ABCC5: variants seen among roughly 807,000 people sequenced by gnomAD.
ABCC5 encodes the protein ATP binding cassette subfamily C member 5.
Under a neutral mutation model 160.9 loss-of-function variants are expected in ABCC5, and 61 were observed. The observed-to-expected ratio is 0.38, with a 90% confidence interval of 0.31 to 0.47. The LOEUF is 0.47. Among genes scored for constraint, ABCC5 ranks in the 20% least tolerant of loss-of-function variants. ABCC5 has a pLI of 0.99. For synonymous variants in ABCC5, 666 were observed against 700.6 expected, an observed-to-expected ratio of 0.95 and a Z score of 0.78; for missense variants, 1,308 against 1,813.3, an observed-to-expected ratio of 0.72 and a Z score of 5.06.
intron 20 of ABCC5, among the ~76,000 whole-genome samples, chr3:183,950,342 C>T (rs1290749148): frequency 6.6e-6 from 1 of 151,970 alleles, no homozygotes; most frequent in Non-Finnish European, 1.5e-5. Context: ...TCTTGGTTCC[C>T]TTCCTGCCCC....
At chr3:183,979,544 C>T (rs549411201) in intron 8 of ABCC5, among the ~76,000 whole-genome samples, 1 of 152,226 alleles carries the variant, frequency 6.6e-6, no homozygotes, top group South Asian at 2.1e-4. Flanking sequence ...GCAAAGCAAC[C>T]ATAGTGTACT....
At chr3:183,943,038 T>C (rs1714517289) in intron 24 of ABCC5, 122 bp from the exon 25 acceptor site, 1 of 953,924 alleles carries the variant, frequency 1.0e-6, no homozygotes, top group Non-Finnish European at 1.6e-6. Flanking sequence ...TGCCACCCTG[T>C]CACCTTGCTA....
chr3:183,931,003 A>G (rs2108764954), intron 26 of ABCC5, among the ~76,000 whole-genome samples: 1 of 152,340 alleles, frequency 6.6e-6, no homozygotes, highest in South Asian at 2.1e-4. Context: ...ACTGAACCGT[A>G]TAAATGCTAT....
intron 2 of ABCC5, among the ~76,000 whole-genome samples, chr3:184,008,888 G>A (rs913531633): frequency 2.6e-5 from 4 of 152,062 alleles, no homozygotes; most frequent in Admixed American, 1.3e-4. Context: ...ACAGGGTCTC[G>A]CTCTGTCACG....
In ABCC5 at chr3:183,949,741, A is replaced by T. The variant is rs1169454678; in HGVS notation, c.3227+12T>A. Reference sequence around the variant, plus strand: ...CTCCCCTTTGAGGCCTCTAGCCCCCATCAGGACAAACCTGTGCAGAAACTC... The same window carrying T: ...CTCCCCTTTGAGGCCTCTAGCCCCCTTCAGGACAAACCTGTGCAGAAACTC... On this transcript the variant is annotated intron_variant, in intron 22 of 29. Coordinates refer to ENST00000334444, the MANE Select transcript of ABCC5 (RefSeq NM_005688.4). This position sits in a 1 kb window ranked among gnomAD's most constrained non-coding sequence, Gnocchi z 4.2. 2.5e-6 allele frequency: 4 copies of T among 1,613,982 alleles called. No homozygotes were observed. In the Admixed American group the frequency reaches 6.7e-5, roughly 27 times the overall value.
rs1721190598 is a variant in ABCC5 at position 184,006,241 on chromosome 3, G to C, written c.129+8023C>G. 2.0e-5 allele frequency: 3 copies of C among 147,182 alleles called. No homozygotes were observed. In the Admixed American group the frequency reaches 2.1e-4, roughly 10 times the overall value. The allele number at this position is 147,182 out of a possible 1,614,324, so 9.1% of individuals were successfully genotyped here. ...CAGACCAGATACGGTGTCACACCCA[G>C]CAGCGCCTAAGAGACTACTGTGCCT... On this transcript the variant is annotated intron_variant, in intron 2 of 29. Coordinates refer to ENST00000334444, the MANE Select transcript of ABCC5 (RefSeq NM_005688.4).
At chr3:183,929,941 G>C (rs1034105515) in intron 26 of ABCC5, among the ~76,000 whole-genome samples, 3 of 152,128 alleles carry the variant, frequency 2.0e-5, no homozygotes, top group Non-Finnish European at 4.4e-5. Context: ...TTTAGGACAG[G>C]AGAAAATTAT....
Position 183,982,562 on chromosome 3 carries a change from C to G in ABCC5, c.888G>C (p.Leu296=). Residue 296 remains leucine (L), a synonymous_variant, in exon 7 of 30, where the codon CTG becomes CTC. Transcript: ENST00000334444. The surrounding 1 kb of genome is among the most constrained non-coding windows in gnomAD (Gnocchi z 5.2). ...TGGCAACAACGGGTCCTCCAGCCAG[C>G]AGGCTGCCAACGGCTGCTGCCTCAA... The part of the protein sequence containing the change: ...RMFEAAAVGS[L]LAGGPVVAIL... The G allele has an allele frequency of 1.9e-6, 3 of 1,614,192 alleles. No homozygotes were observed. Among genetic ancestry groups the G allele is most frequent in the Non-Finnish European group, 2.5e-6 (3 of 1,180,042 alleles).
At chr3:183,934,776 C>T (rs755800481) in intron 26 of ABCC5, among the ~76,000 whole-genome samples, 5 of 152,180 alleles carry the variant, frequency 3.3e-5, no homozygotes, top group Non-Finnish European at 7.3e-5. Flanking sequence ...CTCGGCCTCC[C>T]AAAGTGCTGG....
intron 5 of ABCC5, chr3:183,984,140 T>C: frequency 1.0e-6 from 1 of 985,408 alleles, no homozygotes; most frequent in Non-Finnish European, 1.2e-6. Flanking sequence ...GGTACTCTGC[T>C]CAAAATGGCT....
At chr3:183,946,011 C>G in intron 23 of ABCC5, 72 bp from the exon 24 acceptor site, 1 of 1,374,908 alleles carries the variant, frequency 7.3e-7, no homozygotes, top group Admixed American at 1.7e-5. Context: ...TGGAGAACTT[C>G]CTTCATCTAG....
At chr3:183,955,509 G>A (rs1011165388) in intron 17 of ABCC5, among the ~76,000 whole-genome samples, 1 of 152,232 alleles carries the variant, frequency 6.6e-6, no homozygotes, top group Non-Finnish European at 1.5e-5. Context: ...TATTCAGTTA[G>A]TTGCAGGGCA....
Position 183,927,384 on chromosome 3 carries a change from T to G in ABCC5, c.3993A>C (p.Ser1331=). The change falls in exon 28 of 30, where the codon TCA becomes TCC. Residue 1331 remains serine (S), a synonymous_variant. Coordinates refer to ENST00000334444, the MANE Select transcript of ABCC5 (RefSeq NM_005688.4). Reference sequence around the variant, plus strand: ...TGCACAAGAGCTGCCGTTCCCCCACTGAGAAGTTATCCCCATTCTCCATCA... The same window carrying G: ...TGCACAAGAGCTGCCGTTCCCCCACGGAGAAGTTATCCCCATTCTCCATCA... ...SEVMENGDNF[S]VGERQLLCIA... The G allele has an allele frequency of 6.2e-7, 1 of 1,613,828 alleles. No homozygotes were observed. The highest frequency in any genetic ancestry group is 8.5e-7 in the Non-Finnish European group (1 of 1,179,846).
chr3:183,949,835 G>A lies in ABCC5; in HGVS notation c.3145C>T (p.Pro1049Ser). 1.2e-6 allele frequency: 2 copies of A among 1,614,234 alleles called. No individual in the cohort carries two copies. The highest frequency in any genetic ancestry group is 1.7e-6 in the Non-Finnish European group (2 of 1,180,048). The change falls in exon 22 of 30, where the codon CCT (proline) becomes TCT (serine). Residue 1049 changes from proline to serine, a missense_variant. Around this residue, in one of 3 missense-constraint regions of ABCC5, gnomAD observed 1,142 missense variants for 1,527.1 expected, o/e 0.75. Transcript: ENST00000334444. This position sits in a 1 kb window ranked among gnomAD's most constrained non-coding sequence, Gnocchi z 4.2. Reference protein sequence around the residue: ...LKRLDNITQSPFLSHITSSIQ... With the variant: ...LKRLDNITQSSFLSHITSSIQ... ...CTGGACGTGATGTGGGAGAGGAAAG[G>A]TGACTGCGTGATATTGTCCAGACGC...
At chr3:184,012,931 A>G (rs1048328807) in intron 2 of ABCC5, among the ~76,000 whole-genome samples, 1 of 152,216 alleles carries the variant, frequency 6.6e-6, no homozygotes, top group Non-Finnish European at 1.5e-5. Context: ...CAGGCTAAGG[A>G]AAGGCCAGTG....
At chr3:183,935,325 T>C (rs1713592609) in intron 26 of ABCC5, among the ~76,000 whole-genome samples, 1 of 150,134 alleles carries the variant, frequency 6.7e-6, no homozygotes. Flanking sequence ...GGACTACAGG[T>C]GTGTGCCACC....
intron 2 of ABCC5, among the ~76,000 whole-genome samples, chr3:183,997,981 T>C (rs1358335932): frequency 1.3e-5 from 2 of 152,050 alleles, no homozygotes. Context: ...GACGGGTTCT[T>C]ACTATGTTGC....
chr3:184,001,199 G>T, intron 2 of ABCC5: 1 of 523,656 alleles, frequency 1.9e-6, no homozygotes, highest in Non-Finnish European at 3.4e-6. Context: ...GCTGCAGTGA[G>T]CCATGGTCAT....
intron 26 of ABCC5, among the ~76,000 whole-genome samples, chr3:183,935,423 G>T (rs925871507): frequency 2.6e-5 from 4 of 151,088 alleles, no homozygotes; most frequent in Admixed American, 2.6e-4. Context: ...CTCGTGATCC[G>T]CCCGCCTCAG....
Sources: gnomAD v4.1 joint callset for allele counts (sites outside exome capture counted in the v4.1 genomes callset) on GRCh38, gnomAD v4.1.1 for gene constraint, gnomAD v4.1.1 regional missense constraint, Gnocchi (gnomAD v3.1) non-coding constraint, MANE v1.5 for transcripts, NCBI Gene and HGNC (gene_info 2026-07-23, HGNC 2026-07-21) for gene names.